Variants in SV2B observed in about 807,000 individuals in gnomAD.
SV2B encodes solute carrier family 22 member B2.
Under a neutral mutation model 73.9 loss-of-function variants are expected in SV2B, and 41 were observed. That is an observed-to-expected ratio of 0.56 (90% CI 0.43 to 0.72). SV2B has a LOEUF of 0.72. Ranked by LOEUF, SV2B falls within the 30% of genes least tolerant of loss-of-function variation. SV2B has a pLI of 0.00. For synonymous variants in SV2B, 314 were observed against 314.2 expected (o/e 1.00, Z 0.01); for missense variants, 764 against 857.8 (o/e 0.89, Z 1.37).
intron 1 of SV2B, among the ~76,000 whole-genome samples, chr15:91,211,753 C>T (rs1474941271): frequency 2.6e-5 from 4 of 151,338 alleles, no homozygotes; most frequent in African/African-American, 9.7e-5. Flanking sequence ...CCACCCGCCT[C>T]AGCCTCCCAA....
In SV2B at chr15:91,105,414, C is replaced by T. The variant is rs775981305; in HGVS notation, c.-392+5051C>T. 1.4e-4 allele frequency among the ~76,000 whole-genome samples: 22 copies of T among 152,112 alleles called. No homozygotes were observed. Among genetic ancestry groups the T allele is most frequent in the Admixed American group, 4.6e-4 (7 of 15,278 alleles). ...GTAGGGAGAACAGGTGCAAAGGCCC[C>T]GAGGCAACAGATAACTGGCATGTTC... On this transcript the variant is annotated intron_variant, in intron 1 of 12. Coordinates refer to ENST00000394232, the MANE Select transcript of SV2B (RefSeq NM_001323032.3). The surrounding 1 kb of genome is among the most constrained non-coding windows in gnomAD (Gnocchi z 5.5).
At chr15:91,196,818 C>G (rs1483351305) in intron 1 of SV2B, among the ~76,000 whole-genome samples, 1 of 152,176 alleles carries the variant, frequency 6.6e-6, no homozygotes, top group Non-Finnish European at 1.5e-5. Flanking sequence ...TTTGGGCCTG[C>G]TAATGAGTAA....
chr15:91,121,081 A>G lies in SV2B; in HGVS notation c.-392+20718A>G, dbSNP rs2042321104. Among the ~76,000 whole-genome samples the G allele has an allele frequency of 6.6e-6, 1 of 152,178 alleles. No homozygotes were observed. Among genetic ancestry groups the G allele is most frequent in the Admixed American group, 6.5e-5 (1 of 15,282 alleles). ...TTCCCATGGTTTAAGGTGGCAGAGAACTAGTCTTTTAACACGCTAATTTTT... is the reference window on the plus strand; with the variant it reads ...TTCCCATGGTTTAAGGTGGCAGAGAGCTAGTCTTTTAACACGCTAATTTTT... On this transcript the variant is annotated intron_variant, in intron 1 of 12. Coordinates refer to ENST00000394232, the MANE Select transcript of SV2B (RefSeq NM_001323032.3). This position sits in a 1 kb window ranked among gnomAD's most constrained non-coding sequence, Gnocchi z 4.4.
chr15:91,253,651 G>A lies in SV2B; in HGVS notation c.784+1131G>A, dbSNP rs867258090. Among the ~76,000 whole-genome samples the A allele has an allele frequency of 5.3e-5, 8 of 152,204 alleles. No homozygotes were observed. The highest frequency in any genetic ancestry group is 1.9e-4 in the African/African-American group (8 of 41,456). ...TTCTGGAGTTTAGACTCCTTCCATT[G>A]TGTCATTCTGTCATCTTCAACCTAC... On this transcript the variant is annotated intron_variant, in intron 4 of 12. Transcript: ENST00000394232. This position sits in a 1 kb window ranked among gnomAD's most constrained non-coding sequence, Gnocchi z 5.0.
chr15:91,186,374 G>A (rs2044770640), intron 1 of SV2B, among the ~76,000 whole-genome samples: 1 of 152,120 alleles, frequency 6.6e-6, no homozygotes, highest in African/African-American at 2.4e-5. Flanking sequence ...ATAGTGAATT[G>A]GCATCATGAT....
At chr15:91,138,657 T>C (rs1345275796) in intron 1 of SV2B, among the ~76,000 whole-genome samples, 1 of 152,216 alleles carries the variant, frequency 6.6e-6, no homozygotes, top group Non-Finnish European at 1.5e-5. Context: ...AATATTTATA[T>C]AGCATTTACA....
chr15:91,247,138 C>G (rs1422845858), intron 2 of SV2B, among the ~76,000 whole-genome samples: 1 of 152,150 alleles, frequency 6.6e-6, no homozygotes, highest in Non-Finnish European at 1.5e-5. Flanking sequence ...TTCTTATTCT[C>G]TCTGGTACCT....
intron 1 of SV2B, among the ~76,000 whole-genome samples, chr15:91,218,451 G>T (rs1447923939): frequency 6.6e-6 from 1 of 152,118 alleles, no homozygotes; most frequent in African/African-American, 2.4e-5. Flanking sequence ...TGCTTCTGCT[G>T]TTTTCTCAAA....
At chr15:91,145,196 G>A (rs2043112426) in intron 1 of SV2B, among the ~76,000 whole-genome samples, 1 of 152,080 alleles carries the variant, frequency 6.6e-6, no homozygotes, top group Non-Finnish European at 1.5e-5. Context: ...ATGTGTCCAT[G>A]TGTTCTCATC....
In SV2B at chr15:91,224,408, G is replaced by C. The variant is rs560763324; in HGVS notation, c.-391-1465G>C. Among the ~76,000 whole-genome samples, 14 of 152,308 alleles carry C rather than the reference G, an allele frequency of 9.2e-5. No individual in the cohort carries two copies. The East Asian group carries it at 2.3e-3, about 25-fold the overall frequency. ...AGCTGGGAGCACTGGGGTGGGGTAG[G>C]GGGTGTAGGAGGGGCTGACGCCTAG... On this transcript the variant is annotated intron_variant, in intron 1 of 12. Transcript: ENST00000394232. The surrounding 1 kb of genome is among the most constrained non-coding windows in gnomAD (Gnocchi z 4.9).
chr15:91,167,306 G>T (rs946425485), intron 1 of SV2B, among the ~76,000 whole-genome samples: 5 of 151,826 alleles, frequency 3.3e-5, no homozygotes, highest in African/African-American at 9.7e-5. Flanking sequence ...TTTTTGGTTT[G>T]GGTAATTTTA....
chr15:91,166,817 TC>T (rs1462847474), intron 1 of SV2B, among the ~76,000 whole-genome samples: 1,510 of 150,470 alleles, frequency 0.01, 28 homozygotes, highest in African/African-American at 0.036. Context: ...TGTTTTCTTT[TC>T]TTTTTTTTTT....
Position 91,294,851 on chromosome 15 carries a change from C to A in SV2B, c.*2299C>A, listed in dbSNP as rs1354502537. 2.0e-5 allele frequency: 3 copies of A among 152,652 alleles called. No individual in the cohort carries two copies. Among genetic ancestry groups the A allele is most frequent in the African/African-American group, 7.2e-5 (3 of 41,560 alleles). 9.5% of individuals were successfully genotyped at this position (152,652 alleles called of 1,614,324 possible). A position where few individuals can be genotyped will look rare whatever the true frequency, so the allele number is the denominator to read the frequency against. On this transcript the variant is annotated 3_prime_UTR_variant, in exon 13 of 13. Transcript: ENST00000394232. This position sits in a 1 kb window ranked among gnomAD's most constrained non-coding sequence, Gnocchi z 4.1. ...TCTTTATGGCTCTTTAAACCAGCCA[C>A]CTAGCCAATCAAGGGCAATTCCCAT... is the stretch of plus-strand genomic sequence containing the variant.
rs2141495329 is a variant in SV2B, at chr15:91,227,998, T to G, written c.451+1284T>G. Among the ~76,000 whole-genome samples, 1 of 152,288 alleles carries G rather than the reference T, an allele frequency of 6.6e-6. No homozygotes were observed. Among genetic ancestry groups the G allele is most frequent in the Middle Eastern group, 3.4e-3 (1 of 294 alleles). On this transcript the variant is annotated intron_variant, in intron 2 of 12. Coordinates refer to ENST00000394232, the MANE Select transcript of SV2B (RefSeq NM_001323032.3). The surrounding 1 kb of genome is among the most constrained non-coding windows in gnomAD (Gnocchi z 4.5). ...GTAAACAAATGGGCTGTGTTCCAAT[T>G]AGACTTTATTTACAAAAAAATGGTC... is the stretch of plus-strand genomic sequence containing the variant.
intron 1 of SV2B, among the ~76,000 whole-genome samples, chr15:91,222,538 G>C (rs1365528005): frequency 1.3e-5 from 2 of 152,160 alleles, no homozygotes; most frequent in Admixed American, 6.5e-5. Context: ...CCCAGGACAT[G>C]TTTGTTGAAG....
chr15:91,134,004 C>CTTTTTTTTTTTTTTTTTTTTTTTTTTT lies in SV2B; in HGVS notation c.-392+33653_-392+33654insTTTTTTTTTTTTTTTTTTTTTTTTTTT, dbSNP rs10637206. Among the ~76,000 whole-genome samples, 26 of 106,218 alleles carry CTTTTTTTTTTTTTTTTTTTTTTTTTTT rather than the reference C, an allele frequency of 2.4e-4. 4 individuals carry two copies. The highest frequency in any genetic ancestry group is 4.2e-4 in the Non-Finnish European group (23 of 54,800). The allele number at this position is 106,218 out of a possible 152,430, so 69.7% of individuals were successfully genotyped here. On this transcript the variant is annotated intron_variant, in intron 1 of 12. Transcript: ENST00000394232. Reference sequence around the variant, plus strand: ...TGCCTCTTCACCACTTTCTTTCTTCCTTTTTTTTTTTTGAGATGGAGTCTT... The same window carrying CTTTTTTTTTTTTTTTTTTTTTTTTTTT: ...TGCCTCTTCACCACTTTCTTTCTTCCTTTTTTTTTTTTTTTTTTTTTTTTTTTTTTTTTTTTTTTGAGATGGAGTCTT...
At chr15:91,167,296 T>G (rs1241007740) in intron 1 of SV2B, among the ~76,000 whole-genome samples, 1 of 152,220 alleles carries the variant, frequency 6.6e-6, no homozygotes, top group Non-Finnish European at 1.5e-5. Flanking sequence ...TTTTCCCAGT[T>G]TTTTGGTTTG....
At chr15:91,142,169 C>G (rs1046390255) in intron 1 of SV2B, among the ~76,000 whole-genome samples, 1 of 152,166 alleles carries the variant, frequency 6.6e-6, no homozygotes, top group East Asian at 1.9e-4. Context: ...ATTCTCAACC[C>G]CTGTTCCTGT....
chr15:91,158,550 G>A (rs1179075860), intron 1 of SV2B, among the ~76,000 whole-genome samples: 2 of 151,780 alleles, frequency 1.3e-5, no homozygotes, highest in South Asian at 2.1e-4. Flanking sequence ...AGTGACAAGA[G>A]TGCCTGTCTT....
Sources: allele counts gnomAD v4.1 joint callset (sites outside exome capture counted in the v4.1 genomes callset), GRCh38; gene constraint gnomAD v4.1.1; non-coding constraint Gnocchi (gnomAD v3.1); transcripts MANE v1.5; gene names NCBI Gene and HGNC (gene_info 2026-07-23, HGNC 2026-07-21).